Variants in MYO9A observed in about 807,000 individuals in gnomAD.
MYO9A encodes myosin IXA.
MYO9A carries 103 observed loss-of-function variants against 293.3 expected under a neutral mutation model. The ratio of observed to expected loss-of-function variants is 0.35; its 90% CI spans 0.30 to 0.41. The LOEUF (loss-of-function observed/expected upper bound fraction) is 0.41. MYO9A is among the 10% of genes least tolerant of loss of function. The pLI is 1.00. For missense variants in MYO9A, 2,685 were observed against 3,033.0 expected, an observed-to-expected ratio of 0.89 and a Z score of 2.69; for synonymous variants, 1,001 against 1,035.7, an observed-to-expected ratio of 0.97 and a Z score of 0.64.
intron 1 of MYO9A, among the ~76,000 whole-genome samples, chr15:72,051,238 T>C (rs1209320530): frequency 6.6e-6 from 1 of 152,044 alleles, no homozygotes; most frequent in Non-Finnish European, 1.5e-5. Flanking sequence ...CAGCGGCCCA[T>C]CTATAGCGGC....
chr15:71,889,962 C>G (rs2057130795), intron 26 of MYO9A: 1 of 152,168 alleles, frequency 6.6e-6, no homozygotes, highest in African/African-American at 2.4e-5. Context: ...ATCCAAAACT[C>G]TTAAGTAATG....
intron 11 of MYO9A, among the ~76,000 whole-genome samples, chr15:71,985,881 G>A (rs1043275887): frequency 1.3e-5 from 2 of 152,146 alleles, no homozygotes; most frequent in Non-Finnish European, 1.5e-5. Flanking sequence ...TAGATTATGA[G>A]CTCCTCAAAT....
chr15:72,057,862 G>A (rs2078765392), intron 1 of MYO9A, among the ~76,000 whole-genome samples: 1 of 152,154 alleles, frequency 6.6e-6, no homozygotes, highest in Non-Finnish European at 1.5e-5. Context: ...CTTGTTAAGT[G>A]TGCCAATCAA....
At chr15:71,970,708 AG>A (rs1263056768) in intron 12 of MYO9A, among the ~76,000 whole-genome samples, 2 of 152,354 alleles carry the variant, frequency 1.3e-5, no homozygotes, top group African/African-American at 4.8e-5. Flanking sequence ...GATGATGCAA[AG>A]TAATTATAAT....
intron 19 of MYO9A, among the ~76,000 whole-genome samples, chr15:71,915,924 A>C (rs150407281): frequency 0.019 from 2,820 of 152,206 alleles, 92 homozygotes; most frequent in African/African-American, 0.064. Flanking sequence ...TAAAAGCCCC[A>C]AAAAAGAACT....
chr15:71,856,910 G>T (rs959341914), intron 34 of MYO9A, among the ~76,000 whole-genome samples: 1 of 152,178 alleles, frequency 6.6e-6, no homozygotes, highest in Non-Finnish European at 1.5e-5. Flanking sequence ...TTCTACTTCA[G>T]AGGGTTGTTG....
chr15:71,930,228 T>G (rs2058438131), intron 18 of MYO9A, among the ~76,000 whole-genome samples: 1 of 152,170 alleles, frequency 6.6e-6, no homozygotes, highest in African/African-American at 2.4e-5. Context: ...TGGTCCACTG[T>G]TTTCTTCAAA....
chr15:71,823,349 GAA>G lies in MYO9A; in HGVS notation c.*3229_*3230del, dbSNP rs2054345862. The stretch of plus-strand genomic sequence containing the variant: ...ATGGAGAAAACAACGCTACTGTTAT[GAA>G]ACACAGAATGGAGTCTTCATTAATC... On this transcript the variant is annotated 3_prime_UTR_variant, in exon 42 of 42. Transcript: ENST00000356056. The G allele has an allele frequency of 6.6e-6, 1 of 152,192 alleles. No homozygotes were observed. The highest frequency in any genetic ancestry group is 1.5e-5 in the Non-Finnish European group (1 of 68,038). The allele number at this position is 152,192 out of a possible 1,614,324, so 9.4% of individuals were successfully genotyped here.
intron 1 of MYO9A, among the ~76,000 whole-genome samples, chr15:72,082,467 AGGACATGGACAG>A (rs1006870492): frequency 1.6e-4 from 25 of 152,286 alleles, no homozygotes; most frequent in African/African-American, 4.1e-4. Context: ...TCATCTGCCA[AGGACATGGACAG>A]GGACATGGAC....
intron 39 of MYO9A, among the ~76,000 whole-genome samples, chr15:71,847,021 T>C (rs552660426): frequency 1.3e-5 from 2 of 152,284 alleles, no homozygotes; most frequent in South Asian, 2.1e-4. Context: ...CTGAAAGTAA[T>C]AGTAAGTATT....
At chr15:72,019,678 A>T (rs1045694799) in intron 5 of MYO9A, among the ~76,000 whole-genome samples, 3 of 152,234 alleles carry the variant, frequency 2.0e-5, no homozygotes, top group Non-Finnish European at 4.4e-5. Flanking sequence ...TAATATAGGT[A>T]GTTTCAAAAT....
intron 11 of MYO9A, among the ~76,000 whole-genome samples, chr15:71,983,420 T>G (rs186536477): frequency 5.8e-4 from 88 of 151,808 alleles, no homozygotes; most frequent in African/African-American, 2.0e-3. Flanking sequence ...ATTACTGTCA[T>G]GTATTTTAGT....
intron 4 of MYO9A, among the ~76,000 whole-genome samples, chr15:72,021,757 A>G (rs914749898): frequency 1.3e-5 from 2 of 152,016 alleles, no homozygotes; most frequent in East Asian, 3.9e-4. Context: ...GGCTTTGAAA[A>G]CCTCCAGTAA....
In MYO9A at chr15:71,879,847, A is replaced by G; in HGVS notation, c.5623-10T>C. Reference sequence around the variant, plus strand: ...TATCTAGGTCATTCACCTGGGAACCACAAAACGAGTTTTAGTACACAATCA... The same window carrying G: ...TATCTAGGTCATTCACCTGGGAACCGCAAAACGAGTTTTAGTACACAATCA... On this transcript the variant is annotated splice_polypyrimidine_tract_variant and intron_variant, in intron 29 of 41. Coordinates refer to ENST00000356056, the MANE Select transcript of MYO9A (RefSeq NM_006901.4). 6.4e-7 allele frequency: 1 copy of G among 1,559,774 alleles called. No individual in the cohort carries two copies. The highest frequency in any genetic ancestry group is 8.8e-7 in the Non-Finnish European group (1 of 1,132,232).
At chr15:71,895,480 T>C (rs1248905046) in intron 25 of MYO9A, among the ~76,000 whole-genome samples, 1 of 152,178 alleles carries the variant, frequency 6.6e-6, no homozygotes, top group Non-Finnish European at 1.5e-5. Context: ...AATGATGAAA[T>C]GCAAGTTCTA....
chr15:72,081,797 A>G (rs976793101), intron 1 of MYO9A, among the ~76,000 whole-genome samples: 1 of 152,156 alleles, frequency 6.6e-6, no homozygotes, highest in African/African-American at 2.4e-5. Context: ...TTGAGGAGGG[A>G]GTCCTTTGCC....
intron 2 of MYO9A, among the ~76,000 whole-genome samples, chr15:72,040,988 TA>T (rs2078210395): frequency 6.6e-6 from 1 of 152,170 alleles, no homozygotes; most frequent in African/African-American, 2.4e-5. Flanking sequence ...TAAAAGCTTG[TA>T]ATTCTAGCAC....
intron 39 of MYO9A, among the ~76,000 whole-genome samples, chr15:71,841,527 A>G (rs2055159534): frequency 6.6e-6 from 1 of 152,212 alleles, no homozygotes; most frequent in African/African-American, 2.4e-5. Context: ...CTATCCTAAC[A>G]TAGAGTCATC....
At chr15:71,836,706 A>C (rs2054956047) in intron 39 of MYO9A, among the ~76,000 whole-genome samples, 1 of 152,096 alleles carries the variant, frequency 6.6e-6, no homozygotes, top group South Asian at 2.1e-4. Context: ...TCAGAGACAA[A>C]ATAATACATC....
Sources: gnomAD v4.1 joint callset for allele counts (sites outside exome capture counted in the v4.1 genomes callset) on GRCh38, gnomAD v4.1.1 for gene constraint, MANE v1.5 for transcripts, NCBI Gene and HGNC (gene_info 2026-07-23, HGNC 2026-07-21) for gene names.